The following MEGF8 variants were observed in gnomAD, a reference collection of about 807,000 sequenced individuals.
MEGF8 encodes the protein multiple epidermal growth factor-like domains protein 8.
MEGF8 carries 156 observed loss-of-function variants against 302.9 expected under a neutral mutation model. That is an observed-to-expected ratio of 0.52 (90% confidence interval 0.45 to 0.59). The LOEUF (loss-of-function observed/expected upper bound fraction) is 0.59. Ranked by LOEUF, MEGF8 falls within the 20% of genes least tolerant of loss-of-function variation. MEGF8 has a pLI of 0.00. For synonymous variants in MEGF8, 1,621 were observed against 1,660.5 expected (o/e 0.98, Z 0.58); for missense variants, 3,345 against 3,964.5 (o/e 0.84, Z 4.20).
chr19:42,356,358 C>A lies in MEGF8; in HGVS notation c.4527C>A (p.His1509Gln), dbSNP rs2039453004. The A allele has an allele frequency of 6.2e-7, 1 of 1,612,904 alleles. No individual in the cohort carries two copies. Among genetic ancestry groups the A allele is most frequent in the South Asian group, 1.1e-5 (1 of 90,850 alleles). ...AGGACACTGCCAGCCGCTTCCTGCA[C>A]CGCCTGGGCCACACCATGGTGGATG... ...LSADTASRFL[H>Q]RLGHTMVDGP... Residue 1509 changes from histidine (H) to glutamine (Q), a missense_variant, in exon 26 of 42, where the codon CAC becomes CAA. Coordinates refer to ENST00000251268, the MANE Select transcript of MEGF8 (RefSeq NM_001271938.2). This position sits in a 1 kb window ranked among gnomAD's most constrained non-coding sequence, Gnocchi z 5.2.
At position 42,376,948 on chromosome 19, in the gene MEGF8, C is replaced by T. The variant is rs76737545; in HGVS notation, c.*173C>T. On this transcript the variant is annotated 3_prime_UTR_variant, in exon 42 of 42. Transcript: ENST00000251268. This position sits in a 1 kb window ranked among gnomAD's most constrained non-coding sequence, Gnocchi z 8.2. ...TGTTCTGCATTCAGCAGCTATTTATCGAGTACCTACTCTGTCAGGCACTGT... is the reference window on the plus strand; with the variant it reads ...TGTTCTGCATTCAGCAGCTATTTATTGAGTACCTACTCTGTCAGGCACTGT... 449 of 621,246 alleles carry T rather than the reference C, an allele frequency of 7.2e-4. 2 individuals are homozygous for T. The African/African-American group carries it at 7.6e-3, about 11-fold the overall frequency. The allele number at this position is 621,246 out of a possible 1,614,324, so 38.5% of individuals were successfully genotyped here.
intron 32 of MEGF8, among the ~76,000 whole-genome samples, chr19:42,361,695 G>A (rs1419931943): frequency 2.6e-5 from 4 of 152,138 alleles, no homozygotes; most frequent in Non-Finnish European, 4.4e-5. Flanking sequence ...AGCCATGGAA[G>A]GCCTGAGCAG....
At position 42,375,110 on chromosome 19, in the gene MEGF8, C is replaced by T. The variant is rs980759307; in HGVS notation, c.7270-397C>T. Among the ~76,000 whole-genome samples the T allele has an allele frequency of 7.2e-5, 11 of 152,298 alleles. No individual in the cohort carries two copies. The South Asian group carries it at 2.1e-3, about 29-fold the overall frequency. ...TGGTCCTGTGAGCGAGCCGTGGTTA[C>T]TCCCTGTGTGCAGAGCTCATGGGTT... On this transcript the variant is annotated intron_variant, in intron 41 of 41. Transcript: ENST00000251268. This position sits in a 1 kb window ranked among gnomAD's most constrained non-coding sequence, Gnocchi z 7.1.
chr19:42,351,792 CCCGGCTGTGT>C lies in MEGF8; in HGVS notation c.3101+34_3101+43del. ...CCCGGGCAGGTGGGTGGGCAGGGTG[CCCGGCTGTGT>C]CCTTCCTCCATGACCGGTCATTCTA... On this transcript the variant is annotated intron_variant, in intron 18 of 41. Transcript: ENST00000251268. The surrounding 1 kb of genome is among the most constrained non-coding windows in gnomAD (Gnocchi z 5.6). 2 of 1,532,504 alleles carry C rather than the reference CCCGGCTGTGT, an allele frequency of 1.3e-6. No individual in the cohort carries two copies. The highest frequency in any genetic ancestry group is 1.8e-6 in the Non-Finnish European group (2 of 1,129,900). 94.9% of individuals were successfully genotyped at this position (1,532,504 alleles called of 1,614,324 possible).
rs371147358 is a variant in MEGF8, at chr19:42,353,694, C to A, written c.3761+19C>A. On this transcript the variant is annotated intron_variant, in intron 21 of 41. Transcript: ENST00000251268. This position sits in a 1 kb window ranked among gnomAD's most constrained non-coding sequence, Gnocchi z 6.1. ...ATCCCCGGTGAGCCAACGGGCCAGC[C>A]AGGGCTGGGTAGGGTGTGCTTGGGG... is the stretch of plus-strand genomic sequence containing the variant. 2.4e-5 allele frequency: 38 copies of A among 1,576,918 alleles called. No individual in the cohort carries two copies. The highest frequency in any genetic ancestry group is 1.6e-4 in the Admixed American group (9 of 57,490).
rs1200839240 is a variant in MEGF8 at position 42,357,600 on chromosome 19, G to A, written c.5011+16G>A. 3.8e-6 allele frequency: 6 copies of A among 1,575,776 alleles called. No individual in the cohort carries two copies. Among genetic ancestry groups the A allele is most frequent in the South Asian group, 2.3e-5 (2 of 87,470 alleles). ...CCCCCCACAGGTGGGGCTGGGGACCGGGAGGGGACAGCCCCCGTGGACCTC... is the reference window on the plus strand; with the variant it reads ...CCCCCCACAGGTGGGGCTGGGGACCAGGAGGGGACAGCCCCCGTGGACCTC... On this transcript the variant is annotated intron_variant, in intron 28 of 41. Coordinates refer to ENST00000251268, the MANE Select transcript of MEGF8 (RefSeq NM_001271938.2). The surrounding 1 kb of genome is among the most constrained non-coding windows in gnomAD (Gnocchi z 5.2).
rs758585947 is a variant in MEGF8 at position 42,333,701 on chromosome 19, G to A, written c.284G>A (p.Arg95Gln). 5.6e-6 allele frequency: 9 copies of A among 1,613,870 alleles called. No homozygotes were observed. In the Admixed American group the frequency reaches 8.3e-5, roughly 15 times the overall value. The change falls in exon 2 of 42, where the codon CGA becomes CAA. Residue 95 changes from arginine to glutamine, a missense_variant. Coordinates refer to ENST00000251268, the MANE Select transcript of MEGF8 (RefSeq NM_001271938.2). Reference sequence around the variant, plus strand: ...TTCGTGTATGACGGTGACTCCCCGCGAGGGCCGCTGCTTGCCAGTCTAAGT... The same window carrying A: ...TTCGTGTATGACGGTGACTCCCCGCAAGGGCCGCTGCTTGCCAGTCTAAGT... ...YLFVYDGDSP[R>Q]GPLLASLSGS...
chr19:42,357,105 C>T lies in MEGF8; in HGVS notation c.4830+124C>T. 9.3e-7 allele frequency: 1 copy of T among 1,069,896 alleles called. No homozygotes were observed. The highest frequency in any genetic ancestry group is 1.3e-6 in the Non-Finnish European group (1 of 754,914). 66.3% of individuals were successfully genotyped at this position (1,069,896 alleles called of 1,614,324 possible). ...AAGCCCCAAACTTGAATTTCCTCGGCCATCCTGGGTCACACTGTTGTCCTG... is the reference window on the plus strand; with the variant it reads ...AAGCCCCAAACTTGAATTTCCTCGGTCATCCTGGGTCACACTGTTGTCCTG... On this transcript the variant is annotated intron_variant, in intron 27 of 41. Coordinates refer to ENST00000251268, the MANE Select transcript of MEGF8 (RefSeq NM_001271938.2). The surrounding 1 kb of genome is among the most constrained non-coding windows in gnomAD (Gnocchi z 5.2).
In MEGF8 at chr19:42,368,693, G is replaced by A; in HGVS notation, c.6481+31G>A. The A allele has an allele frequency of 6.5e-7, 1 of 1,530,816 alleles. No homozygotes were observed. The highest frequency in any genetic ancestry group is 1.4e-5 in the African/African-American group (1 of 73,204). 94.8% of individuals were successfully genotyped at this position (1,530,816 alleles called of 1,614,324 possible). On this transcript the variant is annotated intron_variant, in intron 36 of 41. Transcript: ENST00000251268. The surrounding 1 kb of genome is among the most constrained non-coding windows in gnomAD (Gnocchi z 4.9). ...AGGGCTTTGGGCACTGGGGGAGAGG[G>A]GCTGGCCCTTGGTTGGGGTCTGATA...
At chr19:42,334,871 C>T (rs1262528635) in intron 3 of MEGF8, among the ~76,000 whole-genome samples, 164 bp from the exon 4 acceptor site, 1 of 151,984 alleles carries the variant, frequency 6.6e-6, no homozygotes, top group Non-Finnish European at 1.5e-5. Context: ...CCCTTTCTCT[C>T]TCTCTCTTTC....
intron 1 of MEGF8, among the ~76,000 whole-genome samples, chr19:42,333,143 T>C (rs1202372654): frequency 5.9e-5 from 9 of 152,314 alleles, no homozygotes; most frequent in Middle Eastern, 6.8e-3. Context: ...TGCAGCTCTA[T>C]TCAGCGTGGG....
At chr19:42,362,362 C>G in intron 33 of MEGF8, 22 bp from the exon 34 acceptor site, 1 of 1,613,678 alleles carries the variant, frequency 6.2e-7, no homozygotes, top group Non-Finnish European at 8.5e-7. Flanking sequence ...AGGGTCCCAT[C>G]TAGCCTGTCT....
intron 1 of MEGF8, 127 bp downstream of exon 1, chr19:42,326,557 C>T: frequency 7.2e-7 from 1 of 1,394,696 alleles, no homozygotes; most frequent in Non-Finnish European, 9.3e-7. Flanking sequence ...GCCTGACACC[C>T]AGGGTTGCAG....
At chr19:42,326,494 C>A in intron 1 of MEGF8, 64 bp downstream of exon 1, 3 of 1,465,032 alleles carry the variant, frequency 2.0e-6, no homozygotes, top group Non-Finnish European at 2.7e-6. Context: ...TGCATTCATC[C>A]ACTCACCACA....
At position 42,344,055 on chromosome 19, in the gene MEGF8, T is replaced by C; in HGVS notation, c.1770T>C (p.Pro590=). The C allele has an allele frequency of 3.1e-6, 5 of 1,613,504 alleles. No homozygotes were observed. Among genetic ancestry groups the C allele is most frequent in the Non-Finnish European group, 4.2e-6 (5 of 1,179,698 alleles). ...CQGACQAAPP[P]GTPLGACPAA... ...GAGCCTGCCAAGCTGCACCCCCTCCTGGGACCCCCTTGGGGGCTGTGAGTG... is the reference window on the plus strand; with the variant it reads ...GAGCCTGCCAAGCTGCACCCCCTCCCGGGACCCCCTTGGGGGCTGTGAGTG... The change falls in exon 10 of 42, where the codon CCT becomes CCC. Residue 590 remains proline (P), a synonymous_variant. Coordinates refer to ENST00000251268, the MANE Select transcript of MEGF8 (RefSeq NM_001271938.2). This position sits in a 1 kb window ranked among gnomAD's most constrained non-coding sequence, Gnocchi z 4.5.
Position 42,351,124 on chromosome 19 carries a change from C to G in MEGF8, c.2737-92C>G. On this transcript the variant is annotated intron_variant, in intron 15 of 41. Transcript: ENST00000251268. The surrounding 1 kb of genome is among the most constrained non-coding windows in gnomAD (Gnocchi z 5.6). Reference sequence around the variant, plus strand: ...AGGGAGATGGCCTTACAGGGACAGTCTGCAGGGTGGGGCAGGGGGTGGGAT... The same window carrying G: ...AGGGAGATGGCCTTACAGGGACAGTGTGCAGGGTGGGGCAGGGGGTGGGAT... 1 of 1,119,596 alleles carries G rather than the reference C, an allele frequency of 8.9e-7. No individual in the cohort carries two copies. The allele number at this position is 1,119,596 out of a possible 1,614,324, so 69.4% of individuals were successfully genotyped here.
In MEGF8 at chr19:42,326,415, G is replaced by T; in HGVS notation, c.172G>T (p.Glu58Ter). The T allele has an allele frequency of 6.4e-7, 1 of 1,561,724 alleles. No homozygotes were observed. Among genetic ancestry groups the T allele is most frequent in the Non-Finnish European group, 8.6e-7 (1 of 1,159,008 alleles). ...AGNYSVNGNCEWLIEAPSPQH... is the reference protein window; with the variant it reads ...AGNYSVNGNC ...CAACTACAGCGTCAATGGCAACTGC[G>T]AGTGGCTCATCGAGGGTGAGTGGGG... The change falls in exon 1 of 42, where the codon GAG becomes TAG. Residue 58 changes from glutamate (E) to a stop codon, truncating the protein, a stop_gained. Coordinates refer to ENST00000251268, the MANE Select transcript of MEGF8 (RefSeq NM_001271938.2). LOFTEE classifies it high-confidence loss of function.
chr19:42,343,269 C>A (rs919665160), intron 8 of MEGF8, among the ~76,000 whole-genome samples: 1 of 152,128 alleles, frequency 6.6e-6, no homozygotes, highest in Non-Finnish European at 1.5e-5. Flanking sequence ...GTCTTTCTGA[C>A]CCTAAAGATC....
Position 42,370,504 on chromosome 19 carries a change from A to G in MEGF8, c.7005+145A>G, listed in dbSNP as rs975300433. 9.1e-6 allele frequency: 8 copies of G among 880,650 alleles called. No homozygotes were observed. In the African/African-American group the frequency reaches 1.5e-4, roughly 16 times the overall value. 54.6% of individuals were successfully genotyped at this position (880,650 alleles called of 1,614,324 possible). ...CCTGGATTCCTGGGTCTGAGAGAGTAGAGGTGGGGGTCTTGAACTCCTGGG... is the reference window on the plus strand; with the variant it reads ...CCTGGATTCCTGGGTCTGAGAGAGTGGAGGTGGGGGTCTTGAACTCCTGGG... On this transcript the variant is annotated intron_variant, in intron 39 of 41. Coordinates refer to ENST00000251268, the MANE Select transcript of MEGF8 (RefSeq NM_001271938.2).
Sources: allele counts gnomAD v4.1 joint callset (sites outside exome capture counted in the v4.1 genomes callset), GRCh38; gene constraint gnomAD v4.1.1; non-coding constraint Gnocchi (gnomAD v3.1); transcripts MANE v1.5; gene names NCBI Gene and HGNC (gene_info 2026-07-23, HGNC 2026-07-21).